The following DYM variants were observed in gnomAD, a reference collection of about 807,000 sequenced individuals.
DYM encodes dymeclin.
DYM carries 78 observed loss-of-function variants against 93.1 expected under a neutral mutation model. The ratio of observed to expected loss-of-function variants is 0.84; its 90% CI spans 0.70 to 1.01. DYM has a LOEUF of 1.01. Ranked by LOEUF, DYM falls within the 50% of genes least tolerant of loss-of-function variation. DYM has a pLI of 0.00. For synonymous variants in DYM, 321 were observed against 319.7 expected (o/e 1.00, Z -0.04); for missense variants, 789 against 845.0 (o/e 0.93, Z 0.82).
At chr18:49,362,021 G>A (rs2066067989) in intron 6 of DYM, among the ~76,000 whole-genome samples, 1 of 130,606 alleles carries the variant, frequency 7.7e-6, no homozygotes, top group Non-Finnish European at 1.6e-5. Context: ...ACTGCATCCG[G>A]CCTAATTTTT....
chr18:49,383,458 T>C (rs1294296378), intron 3 of DYM, among the ~76,000 whole-genome samples: 2 of 152,158 alleles, frequency 1.3e-5, no homozygotes, highest in Non-Finnish European at 2.9e-5. Context: ...CCATTTAAAC[T>C]AAGAAACTTG....
chr18:49,128,654 C>T (rs971991311), intron 15 of DYM, among the ~76,000 whole-genome samples: 5 of 152,076 alleles, frequency 3.3e-5, no homozygotes, highest in Admixed American at 3.3e-4. Flanking sequence ...CAAGTCTCAG[C>T]TTCATAAAGT....
rs545747101 is a variant in DYM, at chr18:49,166,012, G to C, written c.1626-2225C>G. The stretch of plus-strand genomic sequence containing the variant: ...GTAGAAAACAGAATTCAGTACATAA[G>C]AGCACACACTTTTTTCCAATCATTT... On this transcript the variant is annotated intron_variant, in intron 14 of 17. Coordinates refer to ENST00000675505, the MANE Select transcript of DYM (RefSeq NM_001353214.3). 4.9e-3 allele frequency among the ~76,000 whole-genome samples: 8 copies of C among 1,618 alleles called. No homozygotes were observed. The South Asian group carries it at 0.4, about 81-fold the overall frequency. The allele number at this position is 1,618 out of a possible 152,430, so 1.1% of individuals were successfully genotyped here.
chr18:49,068,951 A>G (rs776117490), intron 17 of DYM, among the ~76,000 whole-genome samples: 8 of 152,246 alleles, frequency 5.3e-5, no homozygotes, highest in Admixed American at 2.0e-4. Context: ...GAAAGTTTAC[A>G]ATGTCAAGTT....
At chr18:49,301,522 G>GAA (rs1184317921) in intron 8 of DYM, among the ~76,000 whole-genome samples, 34 of 46,298 alleles carry the variant, frequency 7.3e-4, no homozygotes, top group African/African-American at 1.4e-3. Context: ...CTCCGTCTCA[G>GAA]AAAAAAAAAA....
intron 6 of DYM, among the ~76,000 whole-genome samples, chr18:49,339,252 G>A (rs990237364): frequency 1.3e-5 from 2 of 152,182 alleles, no homozygotes; most frequent in Non-Finnish European, 2.9e-5. Context: ...ACGCGTGCAT[G>A]CGCACGTGCC....
At chr18:49,305,442 T>C (rs577015816) in intron 8 of DYM, among the ~76,000 whole-genome samples, 4 of 152,312 alleles carry the variant, frequency 2.6e-5, no homozygotes, top group South Asian at 4.1e-4. Context: ...CAACAATCCC[T>C]AATCTTCATG....
intron 17 of DYM, among the ~76,000 whole-genome samples, chr18:49,064,263 T>C (rs2076221562): frequency 6.6e-6 from 1 of 152,228 alleles, no homozygotes; most frequent in Non-Finnish European, 1.5e-5. Flanking sequence ...TTTGGAAATA[T>C]AAATTTTCTG....
chr18:49,059,591 C>T (rs1031350261), intron 17 of DYM, among the ~76,000 whole-genome samples: 13 of 152,204 alleles, frequency 8.5e-5, no homozygotes, highest in South Asian at 6.2e-4. Flanking sequence ...CTGGCTGTTC[C>T]GGAAGTCAGG....
chr18:49,394,320 A>C (rs183836201), intron 2 of DYM, among the ~76,000 whole-genome samples: 41 of 152,350 alleles, frequency 2.7e-4, no homozygotes, highest in African/African-American at 9.6e-4. Flanking sequence ...TATGATATCG[A>C]TAAAGCACTT....
Position 49,259,639 on chromosome 18 carries a change from AT to A in DYM, c.1252-1147del, listed in dbSNP as rs141844398. On this transcript the variant is annotated intron_variant, in intron 11 of 17. Transcript: ENST00000675505. Reference sequence around the variant, plus strand: ...AGGAAGAATTTAAACATTATTGTTGATTTTATTGAATGTACTAATGGTATGA... The same window carrying A: ...AGGAAGAATTTAAACATTATTGTTGATTTATTGAATGTACTAATGGTATGA... Among the ~76,000 whole-genome samples the A allele has an allele frequency of 1.5e-3, 227 of 152,332 alleles. 4 individuals are homozygous for A. In the East Asian group the frequency reaches 0.032, roughly 21 times the overall value.
rs1281339821 is a variant in DYM, at chr18:49,040,057, G to A, written c.*3998C>T. 2 of 152,164 alleles carry A rather than the reference G, an allele frequency of 1.3e-5. No homozygotes were observed. Among genetic ancestry groups the A allele is most frequent in the Non-Finnish European group, 2.9e-5 (2 of 68,036 alleles). 9.4% of individuals were successfully genotyped at this position (152,164 alleles called of 1,614,324 possible). On this transcript the variant is annotated 3_prime_UTR_variant, in exon 18 of 18. Transcript: ENST00000675505. ...GGCATCAGTAATCTGGTTTCACCTC[G>A]GACCACATTCAGGTACTGAGGTGGT...
At chr18:49,087,036 A>G (rs2078604448) in intron 17 of DYM, among the ~76,000 whole-genome samples, 1 of 151,980 alleles carries the variant, frequency 6.6e-6, no homozygotes, top group African/African-American at 2.4e-5. Context: ...AGACTCCAGA[A>G]AGCTCCCTTA....
intron 2 of DYM, among the ~76,000 whole-genome samples, chr18:49,410,127 A>C (rs2072052995): frequency 6.6e-6 from 1 of 152,138 alleles, no homozygotes; most frequent in Admixed American, 6.6e-5. Flanking sequence ...TTACAGTGTC[A>C]TGATCCCAGC....
rs1599863513 is a variant in DYM at position 49,391,265 on chromosome 18, A to T, written c.193+328T>A. 5 of 283,402 alleles carry T rather than the reference A, an allele frequency of 1.8e-5. No homozygotes were observed. The South Asian group carries it at 2.1e-4, about 12-fold the overall frequency. 17.6% of individuals were successfully genotyped at this position (283,402 alleles called of 1,614,324 possible). On this transcript the variant is annotated intron_variant, in intron 3 of 17. Coordinates refer to ENST00000675505, the MANE Select transcript of DYM (RefSeq NM_001353214.3). ...TAATATACATTCTTAATAGATTTTAATATTGTTCTGGTGAACATAGTCAAT... is the reference window on the plus strand; with the variant it reads ...TAATATACATTCTTAATAGATTTTATTATTGTTCTGGTGAACATAGTCAAT...
intron 15 of DYM, among the ~76,000 whole-genome samples, chr18:49,140,834 TG>T (rs997914586): frequency 3.3e-5 from 5 of 152,234 alleles, no homozygotes; most frequent in African/African-American, 1.2e-4. Context: ...AATCCTCTCA[TG>T]ATTAATTAAT....
intron 14 of DYM, among the ~76,000 whole-genome samples, chr18:49,171,880 A>C (rs568533474): frequency 6.6e-6 from 1 of 152,328 alleles, no homozygotes; most frequent in South Asian, 2.1e-4. Context: ...TCTTTATATA[A>C]TAAAACTCAC....
chr18:49,129,783 T>C (rs565739524), intron 15 of DYM, among the ~76,000 whole-genome samples: 2 of 152,234 alleles, frequency 1.3e-5, no homozygotes, highest in East Asian at 1.9e-4. Flanking sequence ...TTTTCTTCCC[T>C]GACTCTTCTC....
chr18:49,163,708 T>C lies in DYM; in HGVS notation c.1705A>G (p.Asn569Asp), dbSNP rs2087487344. 7 of 1,612,264 alleles carry C rather than the reference T, an allele frequency of 4.3e-6. No homozygotes were observed. In the South Asian group the frequency reaches 4.4e-5, roughly 10 times the overall value. Residue 569 changes from asparagine to aspartate, a missense_variant, in exon 15 of 18, where the codon AAT becomes GAT. Around this residue, in one of 3 missense-constraint regions of DYM, gnomAD observed 225 missense variants for 303.0 expected, o/e 0.74. Coordinates refer to ENST00000675505, the MANE Select transcript of DYM (RefSeq NM_001353214.3). Reference sequence around the variant, plus strand: ...ACATAATCTGGTAGAGGAACATCATTAGAACTCAGCGAACCTCTCAAGGAC... The same window carrying C: ...ACATAATCTGGTAGAGGAACATCATCAGAACTCAGCGAACCTCTCAAGGAC... ...TQSLRGSLSS[N>D]DVPLPDYAQD...
Sources: allele counts gnomAD v4.1 joint callset (sites outside exome capture counted in the v4.1 genomes callset), GRCh38; gene constraint gnomAD v4.1.1; regional missense constraint gnomAD v4.1.1; transcripts MANE v1.5; gene names NCBI Gene and HGNC (gene_info 2026-07-23, HGNC 2026-07-21).